Variants in PCDHGA10 observed in about 807,000 individuals in gnomAD.
The protein encoded by PCDHGA10 is protocadherin gamma subfamily A, 10.
Under a neutral mutation model 59.5 loss-of-function variants are expected in PCDHGA10, and 42 were observed. The ratio of observed to expected loss-of-function variants is 0.71; its 90% CI spans 0.55 to 0.91. PCDHGA10 has a LOEUF of 0.91. Among genes scored for constraint, PCDHGA10 ranks in the 40% least tolerant of loss-of-function variants. The probability of loss-of-function intolerance (pLI) is 0.00; values close to 1 mark genes in which losing one functional copy is unlikely to be tolerated. For missense variants in PCDHGA10, 1,111 were observed against 1,198.2 expected (o/e 0.93, Z 1.07); for synonymous variants, 511 against 517.2 (o/e 0.99, Z 0.16).
At chr5:141,498,921 AG>A (rs1289139995) in intron 2 of PCDHGA10, among the ~76,000 whole-genome samples, 1 of 140,074 alleles carries the variant, frequency 7.1e-6, no homozygotes, top group Non-Finnish European at 1.6e-5. Flanking sequence ...TGACAGAGCG[AG>A]ACTCCATCAG....
intron 1 of PCDHGA10, chr5:141,426,760 C>T (rs935248232): frequency 4.4e-6 from 2 of 456,284 alleles, no homozygotes; most frequent in African/African-American, 4.0e-5. Context: ...GCTATAGATG[C>T]AGATGTAGGG....
intron 1 of PCDHGA10, among the ~76,000 whole-genome samples, chr5:141,472,542 GA>G (rs904556404): frequency 1.6e-4 from 23 of 147,144 alleles, no homozygotes; most frequent in African/African-American, 4.2e-4. Context: ...ACCATCTCAA[GA>G]AAAAAAAAAT....
chr5:141,432,133 C>T lies in PCDHGA10; in HGVS notation c.2436+16522C>T, dbSNP rs1468632362. The stretch of plus-strand genomic sequence containing the variant: ...CGGTCTTCCCTCAGGCCTCCTATTC[C>T]GCTTATATCCCAGAGAACAATCCCA... On this transcript the variant is annotated intron_variant, in intron 1 of 3. Transcript: ENST00000398610. This position sits in a 1 kb window ranked among gnomAD's most constrained non-coding sequence, Gnocchi z 6.0. 9 of 1,614,142 alleles carry T rather than the reference C, an allele frequency of 5.6e-6. No homozygotes were observed. The highest frequency in any genetic ancestry group is 1.6e-4 in the Middle Eastern group (1 of 6,062).
chr5:141,428,731 A>G (rs1290064919), intron 1 of PCDHGA10: 1 of 159,494 alleles, frequency 6.3e-6, no homozygotes, highest in Non-Finnish European at 1.4e-5. Context: ...TCTTAAACAT[A>G]TTATATCTAC....
At position 141,427,172 on chromosome 5, in the gene PCDHGA10, TG is replaced by T. The variant is rs757372749; in HGVS notation, c.2436+11565del. ...ATATGTTTGTGCTAGACCATCAAAA[TG>T]GGGAAATTAAATCCAAAGACTTAAT... On this transcript the variant is annotated intron_variant, in intron 1 of 3. Coordinates refer to ENST00000398610, the MANE Select transcript of PCDHGA10 (RefSeq NM_018913.3). The T allele has an allele frequency of 3.9e-5, 18 of 456,596 alleles. 1 individual carries two copies. The highest frequency in any genetic ancestry group is 2.6e-4 in the South Asian group (17 of 64,568). 28.3% of individuals were successfully genotyped at this position (456,596 alleles called of 1,614,324 possible). A position where few individuals can be genotyped will look rare whatever the true frequency, so the allele number is the denominator to read the frequency against.
intron 1 of PCDHGA10, chr5:141,478,675 G>A (rs1264846161): frequency 6.4e-7 from 1 of 1,551,574 alleles, no homozygotes; most frequent in South Asian, 1.2e-5. Context: ...ACTTTCAACT[G>A]GCCCTTCCTA....
At chr5:141,507,239 G>C (rs2099859378) in intron 3 of PCDHGA10, 1 of 152,310 alleles carries the variant, frequency 6.6e-6, no homozygotes, top group Non-Finnish European at 1.5e-5. Context: ...CCCAGTTACA[G>C]TTGAATGTCA....
intron 1 of PCDHGA10, among the ~76,000 whole-genome samples, chr5:141,436,522 C>T (rs933890051): frequency 3.9e-5 from 6 of 152,088 alleles, no homozygotes; most frequent in African/African-American, 1.4e-4. Context: ...ACTGTGTCAC[C>T]TTTAGCAAGT....
chr5:141,445,245 T>C (rs2098460607), intron 1 of PCDHGA10, among the ~76,000 whole-genome samples: 1 of 152,212 alleles, frequency 6.6e-6, no homozygotes, highest in Non-Finnish European at 1.5e-5. Flanking sequence ...TTACACTATA[T>C]TGTGTGAGAA....
intron 1 of PCDHGA10, among the ~76,000 whole-genome samples, chr5:141,492,882 C>G (rs2099744816): frequency 6.6e-6 from 1 of 152,218 alleles, no homozygotes; most frequent in Admixed American, 6.5e-5. Context: ...CCCAGAGATA[C>G]AGGCTTTTGG....
intron 1 of PCDHGA10, among the ~76,000 whole-genome samples, chr5:141,470,239 A>G (rs978204909): frequency 1.3e-5 from 2 of 152,232 alleles, no homozygotes; most frequent in African/African-American, 2.4e-5. Flanking sequence ...AAACCCTTGA[A>G]TGTCCCACCT....
At chr5:141,418,000 G>T in intron 1 of PCDHGA10, 1 of 1,613,902 alleles carries the variant, frequency 6.2e-7, no homozygotes, top group Non-Finnish European at 8.5e-7. Context: ...GCTCGGTGGT[G>T]GGGAACCTCG....
chr5:141,422,723 G>A lies in PCDHGA10; in HGVS notation c.2436+7112G>A. The stretch of plus-strand genomic sequence containing the variant: ...TCTCTGACGGATGACACTGTCCAGG[G>A]GGTGCCTCTGTCCTCCTATGTCTCT... On this transcript the variant is annotated intron_variant, in intron 1 of 3. Coordinates refer to ENST00000398610, the MANE Select transcript of PCDHGA10 (RefSeq NM_018913.3). The A allele has an allele frequency of 1.2e-6, 2 of 1,605,958 alleles. No homozygotes were observed. The highest frequency in any genetic ancestry group is 1.7e-6 in the Non-Finnish European group (2 of 1,175,478).
chr5:141,430,413 A>G lies in PCDHGA10; in HGVS notation c.2436+14802A>G, dbSNP rs1437560579. ...AAAAAAAAAGCTCACTAAAGTTTCTATTAAAGCGAATACGGTAGATTTCCA... is the reference window on the plus strand; with the variant it reads ...AAAAAAAAAGCTCACTAAAGTTTCTGTTAAAGCGAATACGGTAGATTTCCA... On this transcript the variant is annotated intron_variant, in intron 1 of 3. Coordinates refer to ENST00000398610, the MANE Select transcript of PCDHGA10 (RefSeq NM_018913.3). Among the ~76,000 whole-genome samples the G allele has an allele frequency of 2.0e-5, 3 of 151,870 alleles. No homozygotes were observed. In the South Asian group the frequency reaches 6.2e-4, roughly 31 times the overall value.
intron 2 of PCDHGA10, among the ~76,000 whole-genome samples, chr5:141,496,753 A>G (rs2099771084): frequency 6.6e-6 from 1 of 152,166 alleles, no homozygotes; most frequent in Admixed American, 6.5e-5. Flanking sequence ...TTCAACAAAT[A>G]TTTATCGAGC....
Position 141,476,996 on chromosome 5 carries a change from C to T in PCDHGA10, c.2437-17811C>T. The T allele has an allele frequency of 6.2e-7, 1 of 1,614,250 alleles. No homozygotes were observed. Among genetic ancestry groups the T allele is most frequent in the Non-Finnish European group, 8.5e-7 (1 of 1,180,052 alleles). On this transcript the variant is annotated intron_variant, in intron 1 of 3. Coordinates refer to ENST00000398610, the MANE Select transcript of PCDHGA10 (RefSeq NM_018913.3). The surrounding 1 kb of genome is among the most constrained non-coding windows in gnomAD (Gnocchi z 7.6). ...CCACAACCGCGCCGGCGTGCGGCAA[C>T]TATTCGCCTTAGACCTTGTAACCGG...
At chr5:141,427,732 G>T in intron 1 of PCDHGA10, 1 of 1,190,370 alleles carries the variant, frequency 8.4e-7, no homozygotes, top group Non-Finnish European at 1.2e-6. Context: ...GGGCTGAATG[G>T]CCAAGTCTCC....
chr5:141,427,046 C>A (rs916723344), intron 1 of PCDHGA10: 6 of 457,244 alleles, frequency 1.3e-5, no homozygotes, highest in African/African-American at 2.0e-5. Flanking sequence ...AGAATGTGCC[C>A]CCAGGCACCT....
At position 141,415,502 on chromosome 5, in the gene PCDHGA10, A is replaced by T; in HGVS notation, c.2327A>T (p.Gln776Leu). The change falls in exon 1 of 4, where the codon CAG (glutamine) becomes CTG (leucine). Residue 776 changes from glutamine (Q) to leucine (L), a missense_variant. Transcript: ENST00000398610. ...DSRKSHLIFP[Q>L]PNYADTLISQ... ...CGAAAGAGTCACCTGATCTTCCCCC[A>T]GCCCAATTATGCGGACACGCTCATC... The T allele has an allele frequency of 6.2e-7, 1 of 1,614,204 alleles. No homozygotes were observed. The highest frequency in any genetic ancestry group is 1.3e-5 in the African/African-American group (1 of 75,068).
Sources: allele counts gnomAD v4.1 joint callset (sites outside exome capture counted in the v4.1 genomes callset), GRCh38; gene constraint gnomAD v4.1.1; non-coding constraint Gnocchi (gnomAD v3.1); transcripts MANE v1.5; gene names NCBI Gene and HGNC (gene_info 2026-07-23, HGNC 2026-07-21).